Variants in FER1L6 observed in about 807,000 individuals in gnomAD.
FER1L6 encodes fer-1 like family member 6.
FER1L6 carries 177 observed loss-of-function variants against 219.2 expected under a neutral mutation model. That is an observed-to-expected ratio of 0.81 (90% CI 0.71 to 0.91). The LOEUF is 0.91. Ranked by LOEUF, FER1L6 falls within the 40% of genes least tolerant of loss-of-function variation. The pLI is 0.00. For missense variants in FER1L6, 2,153 were observed against 2,259.9 expected (o/e 0.95, Z 0.96); for synonymous variants, 768 against 824.3 (o/e 0.93, Z 1.17).
chr8:124,025,580 G>A (rs1420703583), intron 18 of FER1L6, among the ~76,000 whole-genome samples: 1 of 152,094 alleles, frequency 6.6e-6, no homozygotes, highest in Non-Finnish European at 1.5e-5. Flanking sequence ...GGTGACTATA[G>A]CCTTGTATAA....
Position 123,980,775 on chromosome 8 carries a change from C to T in FER1L6, c.1374C>T (p.Thr458=), listed in dbSNP as rs527654182. ...SQQASNKTNS[T]EVEVESFDVP... ...AGGCTTCAAACAAAACTAACTCAAC[C>T]GAGGTGGAGGTGGAATCGTTCGATG... The change falls in exon 11 of 41, where the codon ACC becomes ACT. Residue 458 remains threonine (T), a synonymous_variant. Transcript: ENST00000522917. 19 of 1,614,030 alleles carry T rather than the reference C, an allele frequency of 1.2e-5. No individual in the cohort carries two copies. The highest frequency in any genetic ancestry group is 7.7e-5 in the South Asian group (7 of 91,054).
At chr8:123,945,457 G>A (rs1814444418) in intron 1 of FER1L6, among the ~76,000 whole-genome samples, 1 of 152,232 alleles carries the variant, frequency 6.6e-6, no homozygotes, top group Non-Finnish European at 1.5e-5. Flanking sequence ...TTTTTATAAA[G>A]CCTCTCCAAA....
Position 124,082,477 on chromosome 8 carries a change from G to C in FER1L6, c.4391+19G>C. On this transcript the variant is annotated intron_variant, in intron 33 of 40. Coordinates refer to ENST00000522917, the MANE Select transcript of FER1L6 (RefSeq NM_001039112.2). ...ATGAGATGTAAGTTCTTTCTCCCCGGGAGACACTTGGTATTCTGAAGCTGT... is the reference window on the plus strand; with the variant it reads ...ATGAGATGTAAGTTCTTTCTCCCCGCGAGACACTTGGTATTCTGAAGCTGT... The C allele has an allele frequency of 2.5e-6, 4 of 1,609,256 alleles. No homozygotes were observed. The highest frequency in any genetic ancestry group is 3.4e-6 in the Non-Finnish European group (4 of 1,177,384).
At chr8:123,879,284 CA>C (rs1322247916) in intron 1 of FER1L6, among the ~76,000 whole-genome samples, 1 of 152,004 alleles carries the variant, frequency 6.6e-6, no homozygotes, top group Non-Finnish European at 1.5e-5. Context: ...GCTTGGGCAA[CA>C]AAGCAAAACC....
intron 12 of FER1L6, among the ~76,000 whole-genome samples, chr8:123,989,035 T>C (rs1014855858): frequency 1.3e-5 from 2 of 152,164 alleles, no homozygotes; most frequent in African/African-American, 4.8e-5. Context: ...TTTTTAATCA[T>C]GAACGGATGT....
At chr8:124,072,183 G>A (rs1254583322) in intron 31 of FER1L6, among the ~76,000 whole-genome samples, 4 of 151,926 alleles carry the variant, frequency 2.6e-5, no homozygotes, top group South Asian at 4.1e-4. Context: ...CAGGAAAGAC[G>A]GGGGGAAGGA....
chr8:124,094,816 G>T, intron 34 of FER1L6, 80 bp from the exon 35 acceptor site: 1 of 1,477,124 alleles, frequency 6.8e-7, no homozygotes, highest in East Asian at 2.3e-5. Context: ...GCCTGTAAGT[G>T]TTTAAAAATG....
intron 1 of FER1L6, among the ~76,000 whole-genome samples, chr8:123,949,097 A>G (rs1814634137): frequency 2.0e-5 from 3 of 152,212 alleles, no homozygotes; most frequent in Admixed American, 2.0e-4. Flanking sequence ...CATCTCAGGA[A>G]AGCTTCAAAA....
chr8:123,936,216 C>T (rs149207912), intron 1 of FER1L6, among the ~76,000 whole-genome samples: 3 of 151,984 alleles, frequency 2.0e-5, no homozygotes, highest in African/African-American at 7.3e-5. Flanking sequence ...TGCTCTGAAC[C>T]CCCCAACCCA....
chr8:124,032,662 G>A (rs1819023374), intron 18 of FER1L6, among the ~76,000 whole-genome samples: 1 of 149,044 alleles, frequency 6.7e-6, no homozygotes, highest in African/African-American at 2.5e-5. Context: ...GATGGCTTGA[G>A]CCCAGGAGTC....
At chr8:124,115,719 A>G (rs76871478) in intron 39 of FER1L6, among the ~76,000 whole-genome samples, 1,749 of 152,212 alleles carry the variant, frequency 0.011, 35 homozygotes, top group African/African-American at 0.039. Flanking sequence ...GTGTTATTTC[A>G]TTTATTTTTC....
intron 1 of FER1L6, among the ~76,000 whole-genome samples, chr8:123,857,444 AG>A (rs1816667689): frequency 6.6e-6 from 1 of 152,322 alleles, no homozygotes; most frequent in Non-Finnish European, 1.5e-5. Context: ...CAGGAGTTCA[AG>A]GTTACAATGA....
intron 35 of FER1L6, among the ~76,000 whole-genome samples, chr8:124,095,308 A>T (rs1300833009): frequency 6.6e-6 from 1 of 152,218 alleles, no homozygotes; most frequent in Non-Finnish European, 1.5e-5. Context: ...TGAATTTGAG[A>T]AGCCCTGCCC....
intron 33 of FER1L6, among the ~76,000 whole-genome samples, chr8:124,087,836 T>C (rs548403908): frequency 6.6e-6 from 1 of 152,274 alleles, no homozygotes; most frequent in Admixed American, 6.5e-5. Flanking sequence ...CCTGCAGACT[T>C]GTAGAGATAT....
intron 1 of FER1L6, among the ~76,000 whole-genome samples, chr8:123,913,317 T>A (rs1813093542): frequency 6.8e-6 from 1 of 148,020 alleles, no homozygotes; most frequent in East Asian, 2.1e-4. Context: ...TTTGTTCATA[T>A]GTTAAATAAT....
rs750681137 is a variant in FER1L6, at chr8:123,970,083, A to G, written c.433A>G (p.Ile145Val). ...GCCCCAAGTGCATCTTTTTGACAAG[A>G]TCATCAAAATCTCCGTAAGTATAGC... ...IGPQVHLFDK[I>V]IKISVFHHKL... Residue 145 changes from isoleucine (I) to valine (V), a missense_variant, in exon 6 of 41, where the codon ATC becomes GTC. Transcript: ENST00000522917. 1 of 1,613,942 alleles carries G rather than the reference A, an allele frequency of 6.2e-7. No individual in the cohort carries two copies. The highest frequency in any genetic ancestry group is 1.7e-5 in the Admixed American group (1 of 59,992).
intron 3 of FER1L6, among the ~76,000 whole-genome samples, chr8:123,964,432 T>C (rs1815442726): frequency 6.6e-6 from 1 of 152,078 alleles, no homozygotes; most frequent in South Asian, 2.1e-4. Context: ...AGGGTACATA[T>C]ATGTGGGTTA....
intron 24 of FER1L6, among the ~76,000 whole-genome samples, chr8:124,061,052 C>T (rs1820545865): frequency 6.6e-6 from 1 of 152,134 alleles, no homozygotes; most frequent in Non-Finnish European, 1.5e-5. Context: ...CAGGGAAGGC[C>T]AGATGTTTCT....
intron 1 of FER1L6, among the ~76,000 whole-genome samples, chr8:123,861,805 T>G (rs1383372034): frequency 6.9e-6 from 1 of 143,916 alleles, no homozygotes; most frequent in Non-Finnish European, 1.5e-5. Flanking sequence ...ATAGGAATGC[T>G]TGTGATTTTT....
Sources: allele counts gnomAD v4.1 joint callset (sites outside exome capture counted in the v4.1 genomes callset), GRCh38; gene constraint gnomAD v4.1.1; transcripts MANE v1.5; gene names NCBI Gene and HGNC (gene_info 2026-07-23, HGNC 2026-07-21).